CLMP: variants seen among roughly 807,000 people sequenced by gnomAD.
The protein encoded by CLMP is CXADR like cell adhesion molecule.
In CLMP, 27 loss-of-function variants were observed where a neutral mutation model predicts 45.2. That is an observed-to-expected ratio of 0.60 (90% CI 0.44 to 0.82). The LOEUF (loss-of-function observed/expected upper bound fraction) is 0.82, where lower values mean the gene tolerates loss of function less well. Ranked by LOEUF, CLMP falls within the 40% of genes least tolerant of loss-of-function variation. The pLI, the probability that CLMP is intolerant of heterozygous loss-of-function variation, is 0.00. For synonymous variants in CLMP, 167 were observed against 171.4 expected (o/e 0.97, Z 0.20); for missense variants, 403 against 448.4 (o/e 0.90, Z 0.91).
intron 1 of CLMP, among the ~76,000 whole-genome samples, chr11:123,098,655 G>A (rs1866018239): frequency 1.3e-5 from 2 of 150,504 alleles, no homozygotes; most frequent in Admixed American, 1.3e-4. Flanking sequence ...CCCACCTCAG[G>A]CTCCAGAGAA....
chr11:123,080,781 G>A (rs530940444), intron 5 of CLMP, among the ~76,000 whole-genome samples: 395 of 152,292 alleles, frequency 2.6e-3, no homozygotes, highest in Non-Finnish European at 3.7e-3. Context: ...AATAGGCACA[G>A]AATGTTGAAG....
chr11:123,081,651 G>A (rs1220300391), intron 5 of CLMP, among the ~76,000 whole-genome samples: 1 of 152,038 alleles, frequency 6.6e-6, no homozygotes, highest in Non-Finnish European at 1.5e-5. Flanking sequence ...AGGGTGGATC[G>A]CCTAAGTCCA....
At chr11:123,129,882 T>C (rs1294266763) in intron 1 of CLMP, among the ~76,000 whole-genome samples, 1 of 150,464 alleles carries the variant, frequency 6.6e-6, no homozygotes, top group East Asian at 1.9e-4. Flanking sequence ...GTTTCACATC[T>C]AATCCACCTA....
At chr11:123,074,951 T>G in intron 5 of CLMP, 108 bp from the exon 6 acceptor site, 1 of 1,314,474 alleles carries the variant, frequency 7.6e-7, no homozygotes, top group Non-Finnish European at 1.0e-6. Flanking sequence ...TGCAGGTTTG[T>G]TTGTTTTGTT....
chr11:123,074,605 T>A lies in CLMP; in HGVS notation c.821+97A>T. 3 of 1,248,160 alleles carry A rather than the reference T, an allele frequency of 2.4e-6. No homozygotes were observed. The South Asian group carries it at 4.1e-5, about 17-fold the overall frequency. The allele number at this position is 1,248,160 out of a possible 1,614,324, so 77.3% of individuals were successfully genotyped here. On this transcript the variant is annotated intron_variant, in intron 6 of 6. Coordinates refer to ENST00000448775, the MANE Select transcript of CLMP (RefSeq NM_024769.5). ...CAGGATAATCCTTTTAACAGATTCA[T>A]GGTTAAGAGAAAACTGGGAACATTT... is the stretch of plus-strand genomic sequence containing the variant.
chr11:123,106,408 TGTGTGTGTGTGTGTGTGCGCGCGCGCGC>T (rs1565383916), intron 1 of CLMP, among the ~76,000 whole-genome samples: 4 of 124,170 alleles, frequency 3.2e-5, no homozygotes, highest in African/African-American at 8.9e-5. Context: ...TGTGTGTGTG[TGTGTGTGTGTGTGTGTGCGCGCGCGCGC>T]GCGCACGTGC....
At chr11:123,162,608 A>G (rs1386375308) in intron 1 of CLMP, among the ~76,000 whole-genome samples, 1 of 151,974 alleles carries the variant, frequency 6.6e-6, no homozygotes, top group East Asian at 1.9e-4. Context: ...TAAAAGTTGC[A>G]TAAATGGCCA....
chr11:123,147,627 A>C (rs1405877934), intron 1 of CLMP, among the ~76,000 whole-genome samples: 2 of 152,054 alleles, frequency 1.3e-5, no homozygotes, highest in Non-Finnish European at 2.9e-5. Flanking sequence ...GCACACCTGC[A>C]ACCCACACTG....
At chr11:123,149,950 G>T (rs111321075) in intron 1 of CLMP, among the ~76,000 whole-genome samples, 4 of 151,420 alleles carry the variant, frequency 2.6e-5, no homozygotes, top group African/African-American at 9.7e-5. Flanking sequence ...GATTACAGGC[G>T]CTCGCCACCA....
At chr11:123,088,762 A>T (rs2135473299) in intron 2 of CLMP, among the ~76,000 whole-genome samples, 1 of 152,208 alleles carries the variant, frequency 6.6e-6, no homozygotes, top group South Asian at 2.1e-4. Context: ...AGTAGCCGGG[A>T]TTACAGGCAT....
intron 1 of CLMP, among the ~76,000 whole-genome samples, chr11:123,171,427 T>TTTTTTC (rs1555086700): frequency 3.6e-5 from 5 of 139,218 alleles, no homozygotes; most frequent in East Asian, 2.2e-4. Context: ...AAGATTTTTT[T>TTTTTTC]TTTTCTTTTC....
At chr11:123,148,960 C>T (rs1180509547) in intron 1 of CLMP, among the ~76,000 whole-genome samples, 1 of 152,142 alleles carries the variant, frequency 6.6e-6, no homozygotes, top group Non-Finnish European at 1.5e-5. Context: ...ATGGGTATAT[C>T]CTTACGGAGC....
chr11:123,191,050 C>T (rs1244364270), intron 1 of CLMP, among the ~76,000 whole-genome samples: 3 of 152,144 alleles, frequency 2.0e-5, no homozygotes, highest in Non-Finnish European at 4.4e-5. Flanking sequence ...TCAATGAGGT[C>T]TTAAATATTA....
chr11:123,155,859 C>T (rs909660562), intron 1 of CLMP, among the ~76,000 whole-genome samples: 1 of 152,080 alleles, frequency 6.6e-6, no homozygotes, highest in Non-Finnish European at 1.5e-5. Flanking sequence ...TTGCTGTCTG[C>T]GGGAAGCCAG....
chr11:123,156,164 G>A (rs898283529), intron 1 of CLMP, among the ~76,000 whole-genome samples: 5 of 152,284 alleles, frequency 3.3e-5, no homozygotes, highest in Admixed American at 6.5e-5. Context: ...CTCCCCTCAC[G>A]CACAGGCACT....
At chr11:123,091,250 G>A (rs1038618342) in intron 2 of CLMP, among the ~76,000 whole-genome samples, 1 of 152,028 alleles carries the variant, frequency 6.6e-6, no homozygotes, top group Non-Finnish European at 1.5e-5. Flanking sequence ...GACCACAGGC[G>A]CATGCCACCA....
chr11:123,133,845 T>C (rs528156525), intron 1 of CLMP, among the ~76,000 whole-genome samples: 4 of 152,302 alleles, frequency 2.6e-5, no homozygotes, highest in African/African-American at 9.6e-5. Flanking sequence ...CCCAGCTTAT[T>C]ACCCTTAGAT....
chr11:123,159,332 T>C (rs1198228264), intron 1 of CLMP, among the ~76,000 whole-genome samples: 1 of 152,178 alleles, frequency 6.6e-6, no homozygotes, highest in Non-Finnish European at 1.5e-5. Flanking sequence ...AAGACGGAGC[T>C]GCGCTTGGCC....
At chr11:123,089,331 G>C (rs1265639196) in intron 2 of CLMP, among the ~76,000 whole-genome samples, 1 of 151,716 alleles carries the variant, frequency 6.6e-6, no homozygotes, top group African/African-American at 2.4e-5. Context: ...TTTGCAGTGA[G>C]CCGAGATCAT....
Sources: gnomAD v4.1 joint callset for allele counts (sites outside exome capture counted in the v4.1 genomes callset) on GRCh38, gnomAD v4.1.1 for gene constraint, MANE v1.5 for transcripts, NCBI Gene and HGNC (gene_info 2026-07-23, HGNC 2026-07-21) for gene names.